Variants in ZNF670 observed in about 807,000 individuals in gnomAD.
The protein encoded by ZNF670 is zinc finger protein 670.
A neutral mutation model predicts 10.9 loss-of-function variants in ZNF670; 7 were observed. That is an observed-to-expected ratio of 0.64 (90% CI 0.36 to 1.20). ZNF670 has a LOEUF of 1.20. Among genes scored for constraint, ZNF670 ranks in the 50% most tolerant of loss-of-function variants. The pLI, the probability that ZNF670 is intolerant of heterozygous loss-of-function variation, is 0.02. For synonymous variants in ZNF670, 136 were observed against 152.7 expected (o/e 0.89, Z 0.81); for missense variants, 446 against 458.6 (o/e 0.97, Z 0.25).
chr1:247,072,823 T>C (rs1198034087), intron 1 of ZNF670, among the ~76,000 whole-genome samples: 3,829 of 83,956 alleles, frequency 0.046, 500 homozygotes, highest in African/African-American at 0.19. Context: ...TATATATATA[T>C]ATATATATAT....
At chr1:247,056,698 G>A (rs986757650) in intron 1 of ZNF670, among the ~76,000 whole-genome samples, 10 of 152,090 alleles carry the variant, frequency 6.6e-5, no homozygotes, top group African/African-American at 1.7e-4. Flanking sequence ...TGAGGAGTTC[G>A]AGACCAGTGA....
chr1:247,043,578 A>G (rs1341430284), intron 1 of ZNF670: 3 of 648,900 alleles, frequency 4.6e-6, no homozygotes, highest in Admixed American at 1.9e-5. Flanking sequence ...AAGTCTCACA[A>G]TTCACTTCAG....
intron 1 of ZNF670, among the ~76,000 whole-genome samples, chr1:247,075,416 G>C (rs1671228509): frequency 6.6e-6 from 1 of 152,164 alleles, no homozygotes; most frequent in African/African-American, 2.4e-5. Context: ...TAATGGAAAA[G>C]AGATTTTTCA....
chr1:247,071,876 T>G (rs77839735), intron 1 of ZNF670, among the ~76,000 whole-genome samples: 1 of 151,202 alleles, frequency 6.6e-6, no homozygotes, highest in Admixed American at 6.6e-5. Context: ...TTTTTTTTTT[T>G]AGATGGAGTC....
intron 1 of ZNF670, among the ~76,000 whole-genome samples, chr1:247,064,706 G>A (rs1472790093): frequency 6.6e-6 from 1 of 152,214 alleles, no homozygotes; most frequent in African/African-American, 2.4e-5. Context: ...ACATGCGGGA[G>A]CCAGACCTCT....
chr1:247,037,891 T>C lies in ZNF670; in HGVS notation c.728A>G (p.His243Arg), dbSNP rs200652027. ...TTTCTCTCCAGTATGAGATCTTTCA[T>C]GTTGGCGAAGAGAACTGGAAAAAGT... ...SFTFSSSLRQ[H>R]ERSHTGEKPY... Residue 243 changes from histidine (H) to arginine (R), a missense_variant, in exon 4 of 4, where the codon CAT becomes CGT. Physicochemically the swap from His to Arg is conservative, Grantham distance 29. Coordinates refer to ENST00000366503, the MANE Select transcript of ZNF670 (RefSeq NM_033213.5). 2.5e-6 allele frequency: 4 copies of C among 1,614,058 alleles called. No homozygotes were observed. The highest frequency in any genetic ancestry group is 2.2e-5 in the East Asian group (1 of 44,876).
rs1472956820 is a variant in ZNF670, at chr1:247,036,338, C to T, written c.*1111G>A. On this transcript the variant is annotated 3_prime_UTR_variant, in exon 4 of 4. Transcript: ENST00000366503. ...ATTAGACAAGCATACTGTCCAATCA[C>T]AGTTCTCTCTTCTTAATTCAAAGTA... 8.5e-5 allele frequency among the ~76,000 whole-genome samples: 13 copies of T among 152,178 alleles called. No homozygotes were observed. Among genetic ancestry groups the T allele is most frequent in the Admixed American group, 8.5e-4 (13 of 15,272 alleles).
chr1:247,061,886 T>C (rs987802681), intron 1 of ZNF670, among the ~76,000 whole-genome samples: 2 of 152,208 alleles, frequency 1.3e-5, no homozygotes, highest in East Asian at 1.9e-4. Context: ...TGGGAGATTA[T>C]TGGGATTAAA....
At chr1:247,063,454 G>A (rs1315596545) in intron 1 of ZNF670, among the ~76,000 whole-genome samples, 1 of 151,754 alleles carries the variant, frequency 6.6e-6, no homozygotes. Flanking sequence ...GTGGTGGTGG[G>A]CGCCTGTAGT....
At chr1:247,067,045 C>A (rs545098662) in intron 1 of ZNF670, among the ~76,000 whole-genome samples, 3 of 152,282 alleles carry the variant, frequency 2.0e-5, no homozygotes, top group African/African-American at 7.2e-5. Flanking sequence ...GTAGGCTGTG[C>A]CCCCAACTAC....
chr1:247,047,784 C>T (rs1241169071), intron 1 of ZNF670, among the ~76,000 whole-genome samples: 2 of 152,214 alleles, frequency 1.3e-5, no homozygotes, highest in African/African-American at 2.4e-5. Context: ...GGCTTGAACC[C>T]TCTGAAGCAA....
chr1:247,041,262 CA>C (rs374276230), intron 1 of ZNF670, among the ~76,000 whole-genome samples: 128 of 152,010 alleles, frequency 8.4e-4, no homozygotes, highest in African/African-American at 3.0e-3. Context: ...AAGGAACTGG[CA>C]AATTCACATA....
At chr1:247,054,041 G>T (rs1449910275) in intron 1 of ZNF670, among the ~76,000 whole-genome samples, 1 of 152,176 alleles carries the variant, frequency 6.6e-6, no homozygotes, top group Non-Finnish European at 1.5e-5. Flanking sequence ...GTAGAGTACA[G>T]CAATTGTGCC....
intron 1 of ZNF670, among the ~76,000 whole-genome samples, chr1:247,067,841 C>CAAAAAA (rs61211824): frequency 4.1e-4 from 35 of 85,250 alleles, no homozygotes; most frequent in Admixed American, 6.8e-4. Flanking sequence ...GACTCCGTCT[C>CAAAAAA]AAAAAAAAAA....
At chr1:247,039,896 A>G (rs2103052050) in intron 1 of ZNF670, among the ~76,000 whole-genome samples, 1 of 152,328 alleles carries the variant, frequency 6.6e-6, no homozygotes, top group Middle Eastern at 3.4e-3. Context: ...AGTTAGTATT[A>G]AGTCTTAAGA....
intron 1 of ZNF670, among the ~76,000 whole-genome samples, chr1:247,072,319 T>C (rs1198438256): frequency 8.8e-6 from 1 of 113,702 alleles, no homozygotes; most frequent in Non-Finnish European, 1.9e-5. Context: ...CCTGGTTTTG[T>C]TTTTTTTTTT....
At chr1:247,076,248 G>A (rs1224366205) in intron 1 of ZNF670, among the ~76,000 whole-genome samples, 3 of 150,846 alleles carry the variant, frequency 2.0e-5, no homozygotes, top group Non-Finnish European at 2.9e-5. Context: ...GTGCCCCACT[G>A]TGTGCTTGAA....
intron 2 of ZNF670, 130 bp from the exon 3 acceptor site, chr1:247,039,000 C>T: frequency 1.9e-6 from 1 of 529,464 alleles, no homozygotes; most frequent in Non-Finnish European, 3.3e-6. Context: ...CATGCCAAAT[C>T]AGGAAACATT....
chr1:247,076,508 G>A (rs1386965296), intron 1 of ZNF670, among the ~76,000 whole-genome samples: 1 of 151,882 alleles, frequency 6.6e-6, no homozygotes, highest in Non-Finnish European at 1.5e-5. Flanking sequence ...CGCCCGCCTC[G>A]GCCTCCCAAA....
Sources: gnomAD v4.1 joint callset for allele counts (sites outside exome capture counted in the v4.1 genomes callset) on GRCh38, gnomAD v4.1.1 for gene constraint, MANE v1.5 for transcripts, NCBI Gene and HGNC (gene_info 2026-07-23, HGNC 2026-07-21) for gene names.